LNP1: variants seen among roughly 807,000 people sequenced by gnomAD.
LNP1 encodes leukemia NUP98 fusion partner 1.
A neutral mutation model predicts 14.5 loss-of-function variants in LNP1; 12 were observed. The observed-to-expected ratio is 0.83, with a 90% CI of 0.53 to 1.34. LNP1 has a LOEUF of 1.34. Among genes scored for constraint, LNP1 ranks in the 40% most tolerant of loss-of-function variants. The pLI is 0.00. For synonymous variants in LNP1, 75 were observed against 71.4 expected, an observed-to-expected ratio of 1.05 and a Z score of -0.26; for missense variants, 198 against 210.9, an observed-to-expected ratio of 0.94 and a Z score of 0.38.
At position 100,429,844 on chromosome 3, in the gene LNP1, C is replaced by G. The variant is rs1298400610; in HGVS notation, c.115C>G (p.Leu39Val). Reference protein sequence around the residue: ...DQRGLRERHRLQATSHRKTSL... With the variant: ...DQRGLRERHRVQATSHRKTSL... Reference sequence around the variant, plus strand: ...GAGAGGACTCCGGGAACGCCACCGACTGCAAGCCACCAGTCACAGGAAAAC... The same window carrying G: ...GAGAGGACTCCGGGAACGCCACCGAGTGCAAGCCACCAGTCACAGGAAAAC... Residue 39 changes from leucine (L) to valine (V), a missense_variant, in exon 2 of 4, where the codon CTG becomes GTG. Coordinates refer to ENST00000383693, the MANE Select transcript of LNP1 (RefSeq NM_001085451.2). 6.2e-7 allele frequency: 1 copy of G among 1,613,812 alleles called. No homozygotes were observed. Among genetic ancestry groups the G allele is most frequent in the Non-Finnish European group, 8.5e-7 (1 of 1,179,940 alleles).
intron 1 of LNP1, among the ~76,000 whole-genome samples, chr3:100,426,300 G>A (rs1051659272): frequency 3.9e-4 from 60 of 152,294 alleles, no homozygotes; most frequent in African/African-American, 1.3e-3. Context: ...TTGAGCCTAC[G>A]CCTGTCTTCA....
intron 1 of LNP1, among the ~76,000 whole-genome samples, chr3:100,412,290 T>C (rs992788177): frequency 1.3e-5 from 2 of 152,162 alleles, no homozygotes; most frequent in African/African-American, 4.8e-5. Flanking sequence ...AAGAACTCAC[T>C]ACCGTGAGAA....
chr3:100,416,618 T>C (rs1192292009), intron 1 of LNP1, among the ~76,000 whole-genome samples: 3 of 150,740 alleles, frequency 2.0e-5, no homozygotes, highest in African/African-American at 7.3e-5. Context: ...TGTGTGTGTG[T>C]GTGTGTGTGT....
intron 2 of LNP1, among the ~76,000 whole-genome samples, chr3:100,430,487 G>C (rs1403313216): frequency 6.6e-6 from 1 of 152,232 alleles, no homozygotes; most frequent in African/African-American, 2.4e-5. Flanking sequence ...CCCAAGAGGG[G>C]AATGGGTGGG....
chr3:100,410,630 T>G (rs189761766), intron 1 of LNP1, among the ~76,000 whole-genome samples: 2 of 152,284 alleles, frequency 1.3e-5, no homozygotes, highest in African/African-American at 4.8e-5. Flanking sequence ...GTACAACTCA[T>G]GGACTTAATC....
At chr3:100,441,350 T>G (rs1707342380) in intron 2 of LNP1, among the ~76,000 whole-genome samples, 1 of 152,172 alleles carries the variant, frequency 6.6e-6, no homozygotes, top group East Asian at 1.9e-4. Flanking sequence ...GAAGCTGGAC[T>G]GGAGTGAGTT....
intron 2 of LNP1, among the ~76,000 whole-genome samples, chr3:100,442,189 G>C (rs530431039): frequency 1.4e-4 from 21 of 152,208 alleles, no homozygotes; most frequent in African/African-American, 4.6e-4. Flanking sequence ...TCTAATGATG[G>C]AGTAGTAAGC....
At chr3:100,407,486 A>G (rs1706981876) in intron 1 of LNP1, among the ~76,000 whole-genome samples, 1 of 152,058 alleles carries the variant, frequency 6.6e-6, no homozygotes, top group African/African-American at 2.4e-5. Context: ...CGTATATGTT[A>G]CTTGCTTTTT....
chr3:100,402,663 T>A (rs1706923376), intron 1 of LNP1, among the ~76,000 whole-genome samples: 1 of 152,078 alleles, frequency 6.6e-6, no homozygotes, highest in Admixed American at 6.5e-5. Context: ...TTTTCTGAAA[T>A]TTCAGTTTTG....
At chr3:100,429,332 T>C (rs1024547276) in intron 1 of LNP1, among the ~76,000 whole-genome samples, 4 of 152,158 alleles carry the variant, frequency 2.6e-5, no homozygotes, top group Non-Finnish European at 5.9e-5. Context: ...GTGAGGGTCA[T>C]GCTCCATCAT....
In LNP1 at chr3:100,412,936, G is replaced by A. The variant is rs536199551; in HGVS notation, c.-34+10497G>A. 9.9e-5 allele frequency among the ~76,000 whole-genome samples: 15 copies of A among 152,244 alleles called. 1 individual carries two copies. In the South Asian group the frequency reaches 1.0e-3, roughly 11 times the overall value. ...ACAATACCTGAAATATGGTCAATGC[G>A]AAATAAAAAGTTGATGAAGTGTTTG... On this transcript the variant is annotated intron_variant, in intron 1 of 3. Transcript: ENST00000383693.
chr3:100,448,220 G>A (rs1171398403), intron 2 of LNP1, among the ~76,000 whole-genome samples: 3 of 152,124 alleles, frequency 2.0e-5, no homozygotes, highest in African/African-American at 7.2e-5. Flanking sequence ...CTCCTTTTAA[G>A]CTGTTCTTGT....
At chr3:100,445,322 A>G (rs1707377535) in intron 2 of LNP1, among the ~76,000 whole-genome samples, 1 of 152,198 alleles carries the variant, frequency 6.6e-6, no homozygotes, top group African/African-American at 2.4e-5. Flanking sequence ...ATTAGCCCTT[A>G]CAATTTCACA....
chr3:100,402,438 A>C lies in LNP1; in HGVS notation c.-35A>C, dbSNP rs1576222557. The C allele has an allele frequency of 1.3e-5, 2 of 152,246 alleles. No individual in the cohort carries two copies. Among genetic ancestry groups the C allele is most frequent in the Non-Finnish European group, 2.9e-5 (2 of 68,040 alleles). The allele number at this position is 152,246 out of a possible 1,614,324, so 9.4% of individuals were successfully genotyped here. A position where few individuals can be genotyped will look rare whatever the true frequency, so the allele number is the denominator to read the frequency against. Reference sequence around the variant, plus strand: ...CAGGATCACCGGTTTCTCCTGCTTCATGTAAGTTCCTATTAGTAAATTGCC... The same window carrying C: ...CAGGATCACCGGTTTCTCCTGCTTCCTGTAAGTTCCTATTAGTAAATTGCC... On this transcript the variant is annotated splice_region_variant and 5_prime_UTR_variant, in exon 1 of 4. An upstream start codon of the reference 5' UTR is lost. Transcript: ENST00000383693.
chr3:100,415,830 T>C (rs1707078571), intron 1 of LNP1, among the ~76,000 whole-genome samples: 1 of 152,222 alleles, frequency 6.6e-6, no homozygotes, highest in African/African-American at 2.4e-5. Context: ...CCTTAGAAGC[T>C]TCTTCTATGA....
At chr3:100,451,675 C>CA (rs1491168892) in intron 2 of LNP1, 44 bp from the exon 3 acceptor site, 1 of 1,006,418 alleles carries the variant, frequency 9.9e-7, no homozygotes, top group East Asian at 2.4e-5. Context: ...GCTAACATTG[C>CA]ACAGTCCTTT....
At chr3:100,428,259 C>T (rs1247029907) in intron 1 of LNP1, among the ~76,000 whole-genome samples, 3 of 152,092 alleles carry the variant, frequency 2.0e-5, no homozygotes, top group South Asian at 2.1e-4. Context: ...TGGGATCTGG[C>T]GTGGTGGCTC....
At chr3:100,423,654 C>G (rs1403906200) in intron 1 of LNP1, among the ~76,000 whole-genome samples, 2 of 152,152 alleles carry the variant, frequency 1.3e-5, no homozygotes, top group African/African-American at 4.8e-5. Flanking sequence ...TGCAAGCTTC[C>G]TATTCTGTAA....
intron 1 of LNP1, among the ~76,000 whole-genome samples, chr3:100,403,941 G>C (rs757477952): frequency 2.0e-5 from 3 of 152,164 alleles, no homozygotes; most frequent in Admixed American, 1.3e-4. Context: ...TAAATAGCTG[G>C]TTGACTGGTG....
Sources: allele counts gnomAD v4.1 joint callset (sites outside exome capture counted in the v4.1 genomes callset), GRCh38; gene constraint gnomAD v4.1.1; transcripts MANE v1.5; gene names NCBI Gene and HGNC (gene_info 2026-07-23, HGNC 2026-07-21).